The following GRM1 variants were observed in gnomAD, a reference collection of about 807,000 sequenced individuals.
GRM1 encodes the protein glutamate metabotropic receptor 1, also known as metabotropic glutamate receptor 1.
Under a neutral mutation model 90.9 loss-of-function variants are expected in GRM1, and 33 were observed. The observed-to-expected ratio is 0.36, with a 90% CI of 0.28 to 0.49. The LOEUF is 0.49. Among genes scored for constraint, GRM1 ranks in the 20% least tolerant of loss-of-function variants. The pLI, the probability that GRM1 is intolerant of heterozygous loss-of-function variation, is 0.99. For synonymous variants in GRM1, 700 were observed against 613.2 expected, an observed-to-expected ratio of 1.14 and a Z score of -2.09; for missense variants, 1,190 against 1,534.3, an observed-to-expected ratio of 0.78 and a Z score of 3.75.
intron 5 of GRM1, among the ~76,000 whole-genome samples, chr6:146,368,265 G>A (rs1051569568): frequency 7.2e-6 from 1 of 138,514 alleles, no homozygotes; most frequent in Non-Finnish European, 1.6e-5. Context: ...TTTTTTGGGG[G>A]GGGGGGTAGA....
rs1004725589 is a variant in GRM1 at position 146,437,279 on chromosome 6, G to A, written c.*2483G>A. ...ATAAGGAAACAACTTATATTCAAGT[G>A]TAAGATGATATCAGGTTGGTCTAAG... is the stretch of plus-strand genomic sequence containing the variant. On this transcript the variant is annotated 3_prime_UTR_variant, in exon 8 of 8. Coordinates refer to ENST00000282753, the MANE Select transcript of GRM1 (RefSeq NM_001278064.2). 6.6e-6 allele frequency: 1 copy of A among 152,364 alleles called. No homozygotes were observed. Among genetic ancestry groups the A allele is most frequent in the East Asian group, 1.9e-4 (1 of 5,200 alleles). The allele number at this position is 152,364 out of a possible 1,614,324, so 9.4% of individuals were successfully genotyped here.
intron 3 of GRM1, among the ~76,000 whole-genome samples, chr6:146,318,511 A>T (rs1333568219): frequency 6.6e-6 from 1 of 152,202 alleles, no homozygotes; most frequent in African/African-American, 2.4e-5. Flanking sequence ...TCCTTTGGGT[A>T]TATACCCAGT....
intron 2 of GRM1, among the ~76,000 whole-genome samples, chr6:146,271,903 A>T (rs1326488421): frequency 6.6e-6 from 1 of 152,170 alleles, no homozygotes; most frequent in Non-Finnish European, 1.5e-5. Context: ...TGGTAGTCTT[A>T]TGTTTTTCTA....
At chr6:146,123,114 A>T (rs1776061756) in intron 1 of GRM1, among the ~76,000 whole-genome samples, 2 of 151,898 alleles carry the variant, frequency 1.3e-5, no homozygotes, top group South Asian at 4.2e-4. Context: ...AAGTGCTGGG[A>T]TTACACGTGT....
chr6:146,276,404 T>C (rs1433362494), intron 2 of GRM1, among the ~76,000 whole-genome samples: 1 of 152,212 alleles, frequency 6.6e-6, no homozygotes, highest in Non-Finnish European at 1.5e-5. Flanking sequence ...ACAGAATTTT[T>C]GTTCCCCTTC....
chr6:146,050,307 T>C (rs1791480182), intron 1 of GRM1, among the ~76,000 whole-genome samples: 1 of 151,996 alleles, frequency 6.6e-6, no homozygotes. Flanking sequence ...CTAGAAAATG[T>C]GTGTCTCTCT....
At chr6:146,031,820 C>T (rs1204665432) in intron 1 of GRM1, among the ~76,000 whole-genome samples, 3 of 152,136 alleles carry the variant, frequency 2.0e-5, no homozygotes, top group Non-Finnish European at 2.9e-5. Context: ...TAAATATCAT[C>T]ATTGGATAGA....
At chr6:146,269,358 G>A (rs1782029540) in intron 2 of GRM1, among the ~76,000 whole-genome samples, 1 of 152,160 alleles carries the variant, frequency 6.6e-6, no homozygotes, top group African/African-American at 2.4e-5. Flanking sequence ...TTAATAAGAG[G>A]ATTCATGCTT....
intron 1 of GRM1, among the ~76,000 whole-genome samples, chr6:146,109,242 A>C (rs1775449531): frequency 6.6e-6 from 1 of 152,164 alleles, no homozygotes; most frequent in Admixed American, 6.5e-5. Context: ...GATGCTTAGA[A>C]GGAAAAAGTG....
intron 1 of GRM1, among the ~76,000 whole-genome samples, chr6:146,114,831 A>G (rs891395887): frequency 6.6e-6 from 1 of 152,128 alleles, no homozygotes; most frequent in African/African-American, 2.4e-5. Flanking sequence ...GCAAATTTGC[A>G]TTGCTATCCC....
intron 2 of GRM1, among the ~76,000 whole-genome samples, chr6:146,282,739 G>GA (rs1294600393): frequency 6.6e-6 from 1 of 151,832 alleles, no homozygotes; most frequent in Non-Finnish European, 1.5e-5. Flanking sequence ...ACTAGAACTA[G>GA]AAAAAATGTA....
chr6:146,095,281 T>C (rs150249089), intron 1 of GRM1, among the ~76,000 whole-genome samples: 1,545 of 152,270 alleles, frequency 0.01, 10 homozygotes, highest in Non-Finnish European at 0.015. Context: ...CTCTTGCCTA[T>C]TTAGTCCCTT....
chr6:146,137,205 C>T (rs1477577773), intron 1 of GRM1, among the ~76,000 whole-genome samples: 3 of 152,108 alleles, frequency 2.0e-5, no homozygotes, highest in Non-Finnish European at 4.4e-5. Flanking sequence ...GCTTCGGTTG[C>T]CTATTCTTGT....
chr6:146,299,417 G>A (rs1214436875), intron 2 of GRM1, among the ~76,000 whole-genome samples: 1 of 120,860 alleles, frequency 8.3e-6, no homozygotes, highest in African/African-American at 5.7e-5. Context: ...GTTCTGGGAG[G>A]AAGTTAAATA....
chr6:146,192,227 G>A (rs1001067881), intron 2 of GRM1, among the ~76,000 whole-genome samples: 1 of 152,150 alleles, frequency 6.6e-6, no homozygotes, highest in East Asian at 1.9e-4. Flanking sequence ...AAATAAATAT[G>A]TCATAACAAC....
intron 3 of GRM1, among the ~76,000 whole-genome samples, chr6:146,337,503 G>A (rs1784816683): frequency 1.3e-5 from 2 of 152,136 alleles, no homozygotes; most frequent in African/African-American, 2.4e-5. Context: ...ACTATATATG[G>A]AAAGTAAGGG....
At chr6:146,277,239 G>A (rs1488097930) in intron 2 of GRM1, among the ~76,000 whole-genome samples, 2 of 152,130 alleles carry the variant, frequency 1.3e-5, no homozygotes, top group Admixed American at 6.6e-5. Flanking sequence ...GTTCATCTTG[G>A]GTTAACTCTG....
chr6:146,074,794 G>T (rs976171529), intron 1 of GRM1, among the ~76,000 whole-genome samples: 8 of 152,074 alleles, frequency 5.3e-5, no homozygotes, highest in African/African-American at 1.9e-4. Flanking sequence ...ATATCCCACA[G>T]GCAATGCTTA....
At chr6:146,072,813 C>T (rs980806289) in intron 1 of GRM1, among the ~76,000 whole-genome samples, 7 of 152,094 alleles carry the variant, frequency 4.6e-5, no homozygotes, top group South Asian at 2.1e-4. Context: ...TTTCTGAAGA[C>T]GCTTGATATA....
Sources: allele counts gnomAD v4.1 joint callset (sites outside exome capture counted in the v4.1 genomes callset), GRCh38; gene constraint gnomAD v4.1.1; transcripts MANE v1.5; gene names NCBI Gene and HGNC (gene_info 2026-07-23, HGNC 2026-07-21).